LARGE1: variants seen among roughly 807,000 people sequenced by gnomAD.
LARGE1 encodes the protein LARGE xylosyl- and glucuronyltransferase 1.
Under a neutral mutation model 87.6 loss-of-function variants are expected in LARGE1, and 43 were observed. That is an observed-to-expected ratio of 0.49 (90% CI 0.38 to 0.63). The LOEUF (loss-of-function observed/expected upper bound fraction) is 0.63, where lower values mean the gene tolerates loss of function less well. Among genes scored for constraint, LARGE1 ranks in the 30% least tolerant of loss-of-function variants. The pLI is 0.00. For synonymous variants in LARGE1, 434 were observed against 394.6 expected (o/e 1.10, Z -1.18); for missense variants, 802 against 1,000.2 (o/e 0.80, Z 2.67).
the LARGE1 span, among the ~76,000 whole-genome samples, chr22:33,091,512 A>G: frequency 1.3e-5 from 2 of 152,064 alleles, no homozygotes; most frequent in African/African-American, 4.8e-5. Context: ...GTGAGCTGAG[A>G]TCGCGCCACT....
At chr22:33,687,274 C>A (rs1169343484) in intron 2 of LARGE1, among the ~76,000 whole-genome samples, 2 of 151,530 alleles carry the variant, frequency 1.3e-5, no homozygotes, top group Non-Finnish European at 2.9e-5. Flanking sequence ...GGATTACAGG[C>A]GTGTGCCACC....
the LARGE1 span, among the ~76,000 whole-genome samples, chr22:33,146,894 G>C: frequency 2.0e-5 from 3 of 152,128 alleles, no homozygotes; most frequent in Non-Finnish European, 4.4e-5. Context: ...TGTCCTTCCA[G>C]TCTACAGCCG....
At chr22:33,342,235 A>G (rs1012034418) in intron 9 of LARGE1, among the ~76,000 whole-genome samples, 1 of 152,200 alleles carries the variant, frequency 6.6e-6, no homozygotes, top group South Asian at 2.1e-4. Flanking sequence ...GTGCTGAGCC[A>G]GCAGGAAGGT....
rs867846325 is a variant in LARGE1 at position 33,386,479 on chromosome 22, C to T, written c.893-2175G>A. Among the ~76,000 whole-genome samples, 13 of 148,532 alleles carry T rather than the reference C, an allele frequency of 8.8e-5. 3 individuals are homozygous for T. Among genetic ancestry groups the T allele is most frequent in the South Asian group, 4.8e-4 (2 of 4,138 alleles). On this transcript the variant is annotated intron_variant, in intron 7 of 14. Coordinates refer to ENST00000397394, the MANE Select transcript of LARGE1 (RefSeq NM_133642.5). ...CCCTGCACAGCTCAGAAAACTGTTG[C>T]GCACTCTTGTGGTAGGCTGGTAATG...
rs369450957 is a variant in LARGE1 at position 33,757,371 on chromosome 22, T to C, written c.106+4000A>G. Among the ~76,000 whole-genome samples the C allele has an allele frequency of 3.2e-4, 48 of 152,302 alleles. 1 individual carries two copies. The highest frequency in any genetic ancestry group is 1.1e-3 in the African/African-American group (45 of 41,564). On this transcript the variant is annotated intron_variant, in intron 2 of 14. Coordinates refer to ENST00000397394, the MANE Select transcript of LARGE1 (RefSeq NM_133642.5). Reference sequence around the variant, plus strand: ...TTTTCAGTTCACTTACATCAGACGTTAGAATCAGAAGCTTGTAGGTAGAAT... The same window carrying C: ...TTTTCAGTTCACTTACATCAGACGTCAGAATCAGAAGCTTGTAGGTAGAAT...
At chr22:33,512,222 A>G (rs2071088978) in intron 6 of LARGE1, among the ~76,000 whole-genome samples, 1 of 152,230 alleles carries the variant, frequency 6.6e-6, no homozygotes, top group Admixed American at 6.5e-5. Flanking sequence ...ATGCTAATTT[A>G]TATTAAAAAT....
chr22:33,171,851 T>G (rs1321357005), intron 11 of LARGE1, among the ~76,000 whole-genome samples: 1 of 152,210 alleles, frequency 6.6e-6, no homozygotes, highest in Admixed American at 6.5e-5. Context: ...GAGTCCCCAC[T>G]GGGGCACTGC....
chr22:33,766,917 T>C (rs1367628002), intron 1 of LARGE1, among the ~76,000 whole-genome samples: 4 of 1,638 alleles, frequency 2.4e-3, no homozygotes, highest in South Asian at 0.017. Flanking sequence ...CATATACATA[T>C]ATATATATAT....
the LARGE1 span, among the ~76,000 whole-genome samples, chr22:33,093,302 C>A: frequency 6.6e-6 from 1 of 152,108 alleles, no homozygotes; most frequent in Non-Finnish European, 1.5e-5. Context: ...TCTCCATTGC[C>A]CTCTGAAGCT....
At chr22:33,915,042 C>CACACACACACACACACAGAG (rs144076486) in intron 1 of LARGE1, among the ~76,000 whole-genome samples, 1 of 137,030 alleles carries the variant, frequency 7.3e-6, no homozygotes, top group African/African-American at 2.8e-5. Context: ...CACACACACA[C>CACACACACACACACACAGAG]AGAGAGAGAG....
intron 6 of LARGE1, among the ~76,000 whole-genome samples, chr22:33,467,283 C>A (rs1053474270): frequency 1.3e-5 from 2 of 152,114 alleles, no homozygotes; most frequent in African/African-American, 4.8e-5. Context: ...CAGGAAAGAA[C>A]AATTCAAAGG....
At chr22:33,608,439 C>T (rs546418278) in intron 4 of LARGE1, among the ~76,000 whole-genome samples, 10 of 152,264 alleles carry the variant, frequency 6.6e-5, no homozygotes, top group African/African-American at 1.4e-4. Flanking sequence ...AGCACTTCCT[C>T]GTGTCTTTCT....
At chr22:33,089,371 C>CTTCTTCTTCTCCTTCTT in the LARGE1 span, among the ~76,000 whole-genome samples, 383 of 75,958 alleles carry the variant, frequency 5.0e-3, 6 homozygotes, top group East Asian at 0.059. Flanking sequence ...TTCTTCTTCT[C>CTTCTTCTTCTCCTTCTT]CTTCTTCTTC....
At position 33,402,546 on chromosome 22, in the gene LARGE1, G is replaced by T. The variant is rs533248007; in HGVS notation, c.893-18242C>A. ...GTCCTAGCATCTACCCACACAGCAC[G>T]CATGACCTTGGGCAGGTTACTTAAT... On this transcript the variant is annotated intron_variant, in intron 7 of 14. Coordinates refer to ENST00000397394, the MANE Select transcript of LARGE1 (RefSeq NM_133642.5). Among the ~76,000 whole-genome samples, 151 of 152,258 alleles carry T rather than the reference G, an allele frequency of 9.9e-4. 5 individuals carry two copies. In the South Asian group the frequency reaches 0.031, roughly 31 times the overall value.
At chr22:33,086,073 C>A in the LARGE1 span, among the ~76,000 whole-genome samples, 20 of 152,036 alleles carry the variant, frequency 1.3e-4, no homozygotes, top group African/African-American at 4.8e-4. Flanking sequence ...GCACATGAGG[C>A]CTTTCACAGA....
intron 2 of LARGE1, among the ~76,000 whole-genome samples, chr22:33,741,956 T>C (rs1403996542): frequency 6.6e-6 from 1 of 152,176 alleles, no homozygotes; most frequent in East Asian, 1.9e-4. Context: ...TACCCCACTT[T>C]TAACCACTCA....
chr22:33,197,304 T>C (rs1409178880), intron 11 of LARGE1, among the ~76,000 whole-genome samples: 1 of 151,970 alleles, frequency 6.6e-6, no homozygotes, highest in Non-Finnish European at 1.5e-5. Context: ...AAGGCAAAGA[T>C]ACATAAAATA....
intron 12 of LARGE1, among the ~76,000 whole-genome samples, chr22:33,291,910 T>C (rs985729574): frequency 6.6e-6 from 1 of 151,942 alleles, no homozygotes; most frequent in Non-Finnish European, 1.5e-5. Context: ...TTGGCCAACA[T>C]AGTGAAACCC....
intron 6 of LARGE1, among the ~76,000 whole-genome samples, chr22:33,500,709 G>A (rs1410632235): frequency 6.6e-6 from 1 of 152,122 alleles, no homozygotes; most frequent in African/African-American, 2.4e-5. Flanking sequence ...AAGCACCTTT[G>A]CTTACATGAT....
Sources: allele counts gnomAD v4.1 joint callset (sites outside exome capture counted in the v4.1 genomes callset), GRCh38; gene constraint gnomAD v4.1.1; transcripts MANE v1.5; gene names NCBI Gene and HGNC (gene_info 2026-07-23, HGNC 2026-07-21).